The following ADARB1 variants were observed in gnomAD, a reference collection of about 807,000 sequenced individuals.
The protein encoded by ADARB1 is double-stranded RNA-specific editase 1.
ADARB1 carries 10 observed loss-of-function variants against 52.4 expected under a neutral mutation model. The ratio of observed to expected loss-of-function variants is 0.19; its 90% CI spans 0.12 to 0.32. The LOEUF (loss-of-function observed/expected upper bound fraction) is 0.32. Ranked by LOEUF, ADARB1 falls within the 10% of genes least tolerant of loss-of-function variation. ADARB1 has a pLI of 1.00. For synonymous variants in ADARB1, 349 were observed against 371.1 expected, an observed-to-expected ratio of 0.94 and a Z score of 0.68; for missense variants, 643 against 922.3, an observed-to-expected ratio of 0.70 and a Z score of 3.92.
In ADARB1 at chr21:45,148,480, T is replaced by C. The variant is rs191304912; in HGVS notation, c.-48+19907T>C. ...TAGCACCAGGGCCTGGGCTCCCCTT[T>C]GCTGTAATGTCGTAAAGTATGTCAG... On this transcript the variant is annotated intron_variant, in intron 2 of 10. Coordinates refer to ENST00000348831, the MANE Select transcript of ADARB1 (RefSeq NM_001112.4). Among the ~76,000 whole-genome samples the C allele has an allele frequency of 3.4e-3, 523 of 152,282 alleles. 2 individuals are homozygous for C. Among genetic ancestry groups the C allele is most frequent in the African/African-American group, 0.012 (489 of 41,554 alleles).
In ADARB1 at chr21:45,128,601, C is replaced by CA. The variant is rs2088737769; in HGVS notation, c.-48+31dup. ...GAGTAAAAACCTGTAAAGATCTGAT[C>CA]AAATCTGACTGGTAGAAATGCCTTT... is the stretch of plus-strand genomic sequence containing the variant. On this transcript the variant is annotated intron_variant, in intron 2 of 10. Transcript: ENST00000348831. This position sits in a 1 kb window ranked among gnomAD's most constrained non-coding sequence, Gnocchi z 4.6. 6.6e-6 allele frequency: 1 copy of CA among 152,248 alleles called. No individual in the cohort carries two copies. 9.4% of individuals were successfully genotyped at this position (152,248 alleles called of 1,614,324 possible). A position where few individuals can be genotyped will look rare whatever the true frequency, so the allele number is the denominator to read the frequency against.
chr21:45,214,685 A>G (rs1016832392), intron 9 of ADARB1, among the ~76,000 whole-genome samples: 13 of 152,210 alleles, frequency 8.5e-5, no homozygotes, highest in Admixed American at 7.9e-4. Context: ...ATCAGCTGGC[A>G]TGTATATATA....
rs1354616403 is a variant in ADARB1 at position 45,208,837 on chromosome 21, A to C, written c.1747+4101A>C. Among the ~76,000 whole-genome samples, 1 of 152,138 alleles carries C rather than the reference A, an allele frequency of 6.6e-6. No individual in the cohort carries two copies. The highest frequency in any genetic ancestry group is 2.4e-5 in the African/African-American group (1 of 41,422). ...CCTCCTTGCCCTGGTTTCTAGGAGG[A>C]GTGAACGTGCCATGAGTCATTGTAG... On this transcript the variant is annotated intron_variant, in intron 9 of 10. Transcript: ENST00000348831. This position sits in a 1 kb window ranked among gnomAD's most constrained non-coding sequence, Gnocchi z 5.6.
At position 45,200,417 on chromosome 21, in the gene ADARB1, C is replaced by T. The variant is rs2092526963; in HGVS notation, c.1566-4138C>T. ...GTGGGAAGGAACGAGAGTCTTGGTT[C>T]AGATGACCTCGGCCTGTGTCCTCAG... On this transcript the variant is annotated intron_variant, in intron 8 of 10. Transcript: ENST00000348831. This position sits in a 1 kb window ranked among gnomAD's most constrained non-coding sequence, Gnocchi z 5.0. Among the ~76,000 whole-genome samples, 1 of 152,172 alleles carries T rather than the reference C, an allele frequency of 6.6e-6. No individual in the cohort carries two copies. The highest frequency in any genetic ancestry group is 1.5e-5 in the Non-Finnish European group (1 of 68,030).
At chr21:45,127,860 A>G (rs2088688386) in intron 1 of ADARB1, among the ~76,000 whole-genome samples, 1 of 152,170 alleles carries the variant, frequency 6.6e-6, no homozygotes, top group African/African-American at 2.4e-5. Context: ...AGCATGTTGA[A>G]ACATTTTCTC....
chr21:45,200,558 C>T lies in ADARB1; in HGVS notation c.1566-3997C>T, dbSNP rs2092530976. On this transcript the variant is annotated intron_variant, in intron 8 of 10. Coordinates refer to ENST00000348831, the MANE Select transcript of ADARB1 (RefSeq NM_001112.4). This position sits in a 1 kb window ranked among gnomAD's most constrained non-coding sequence, Gnocchi z 5.0. ...ACTGTGTTGGGCAGACTCAAAGGCACGCACAGGAAGGGGGATGGCTTTATT... is the reference window on the plus strand; with the variant it reads ...ACTGTGTTGGGCAGACTCAAAGGCATGCACAGGAAGGGGGATGGCTTTATT... 6.6e-6 allele frequency among the ~76,000 whole-genome samples: 1 copy of T among 152,012 alleles called. No individual in the cohort carries two copies. The highest frequency in any genetic ancestry group is 1.5e-5 in the Non-Finnish European group (1 of 68,002).
At position 45,208,717 on chromosome 21, in the gene ADARB1, T is replaced by A. The variant is rs953245497; in HGVS notation, c.1747+3981T>A. On this transcript the variant is annotated intron_variant, in intron 9 of 10. Coordinates refer to ENST00000348831, the MANE Select transcript of ADARB1 (RefSeq NM_001112.4). The surrounding 1 kb of genome is among the most constrained non-coding windows in gnomAD (Gnocchi z 5.6). ...GTGTGTGTGCACGCTCACATGAGTG[T>A]ATGAGAGAGAGAGTGTGTGTGTGTG... is the stretch of plus-strand genomic sequence containing the variant. 6.6e-6 allele frequency among the ~76,000 whole-genome samples: 1 copy of A among 151,964 alleles called. No individual in the cohort carries two copies. Among genetic ancestry groups the A allele is most frequent in the South Asian group, 2.1e-4 (1 of 4,808 alleles).
chr21:45,123,042 GTCA>G (rs1325899350), intron 1 of ADARB1, among the ~76,000 whole-genome samples: 2 of 152,054 alleles, frequency 1.3e-5, no homozygotes, highest in East Asian at 3.9e-4. Flanking sequence ...AAAATCAGTT[GTCA>G]TTGCTGGCAT....
intron 1 of ADARB1, among the ~76,000 whole-genome samples, chr21:45,124,375 CTCTTTTCTTT>C (rs1233325428): frequency 6.6e-6 from 1 of 151,906 alleles, no homozygotes; most frequent in Admixed American, 6.6e-5. Flanking sequence ...CCCTTTTCTT[CTCTTTTCTTT>C]TTCTTGAGAC....
chr21:45,075,130 C>G (rs563704147), intron 1 of ADARB1, among the ~76,000 whole-genome samples: 23 of 148,686 alleles, frequency 1.5e-4, no homozygotes, highest in African/African-American at 5.2e-4. Flanking sequence ...CCCTGGGGAC[C>G]GAGACTGCGT....
rs539272632 is a variant in ADARB1 at position 45,224,996 on chromosome 21, C to T, written c.*2799C>T. 1 of 985,282 alleles carries T rather than the reference C, an allele frequency of 1.0e-6. No homozygotes were observed. The highest frequency in any genetic ancestry group is 1.2e-6 in the Non-Finnish European group (1 of 829,944). 61.0% of individuals were successfully genotyped at this position (985,282 alleles called of 1,614,324 possible). A position where few individuals can be genotyped will look rare whatever the true frequency, so the allele number is the denominator to read the frequency against. ...GACTTAGCAGAAAATTCGACACAAG[C>T]AGGAACTTGATTTTTTAAGAAAAAA... On this transcript the variant is annotated 3_prime_UTR_variant, in exon 11 of 11. Transcript: ENST00000348831.
chr21:45,121,097 A>T (rs1208769226), intron 1 of ADARB1: 1 of 152,114 alleles, frequency 6.6e-6, no homozygotes, highest in Non-Finnish European at 1.5e-5. Context: ...TTCTTGACAG[A>T]TTTTACTACC....
At chr21:45,095,569 G>T (rs2086724819) in intron 1 of ADARB1, among the ~76,000 whole-genome samples, 1 of 151,032 alleles carries the variant, frequency 6.6e-6, no homozygotes, top group Non-Finnish European at 1.5e-5. Context: ...GCTGTTTCAG[G>T]GTTCTGCATC....
chr21:45,224,344 G>T lies in ADARB1; in HGVS notation c.*2147G>T, dbSNP rs968044837. ...CCCAAATAAGTGAGTGCCTCACCTTGTGGGGCCTGAGCAGCTACCTTGAGA... is the reference window on the plus strand; with the variant it reads ...CCCAAATAAGTGAGTGCCTCACCTTTTGGGGCCTGAGCAGCTACCTTGAGA... On this transcript the variant is annotated 3_prime_UTR_variant, in exon 11 of 11. Coordinates refer to ENST00000348831, the MANE Select transcript of ADARB1 (RefSeq NM_001112.4). 4.6e-5 allele frequency: 45 copies of T among 985,384 alleles called. No homozygotes were observed. In the Middle Eastern group the frequency reaches 2.1e-3, roughly 45 times the overall value. 61.0% of individuals were successfully genotyped at this position (985,384 alleles called of 1,614,324 possible). A position where few individuals can be genotyped will look rare whatever the true frequency, so the allele number is the denominator to read the frequency against.
intron 1 of ADARB1, among the ~76,000 whole-genome samples, chr21:45,107,737 A>G (rs423892): frequency 0.96 from 145,497 of 152,314 alleles, 69,520 homozygotes; most frequent in East Asian, 0.98. Flanking sequence ...AACTGTTCCA[A>G]TGTTAGACAC....
intron 9 of ADARB1, among the ~76,000 whole-genome samples, chr21:45,211,376 C>CTG (rs1436333478): frequency 6.6e-6 from 1 of 152,194 alleles, no homozygotes; most frequent in Non-Finnish European, 1.5e-5. Flanking sequence ...TTTCCTTATA[C>CTG]TGTAACTTAT....
intron 2 of ADARB1, among the ~76,000 whole-genome samples, chr21:45,171,137 G>T (rs1206845437): frequency 6.6e-6 from 1 of 152,208 alleles, no homozygotes; most frequent in Admixed American, 6.5e-5. Context: ...TCTGAGGTCT[G>T]TCGCCATCTG....
At chr21:45,160,371 A>G (rs764383256) in intron 2 of ADARB1, among the ~76,000 whole-genome samples, 10 of 152,262 alleles carry the variant, frequency 6.6e-5, no homozygotes, top group Non-Finnish European at 1.2e-4. Flanking sequence ...TTTAACTCCC[A>G]TTAAAAGGAG....
intron 2 of ADARB1, among the ~76,000 whole-genome samples, chr21:45,169,381 T>C (rs2091390785): frequency 6.6e-6 from 1 of 152,228 alleles, no homozygotes. Context: ...CTTGCTGGGC[T>C]ACCTCTTTCC....
Sources: allele counts gnomAD v4.1 joint callset (sites outside exome capture counted in the v4.1 genomes callset), GRCh38; gene constraint gnomAD v4.1.1; non-coding constraint Gnocchi (gnomAD v3.1); transcripts MANE v1.5; gene names NCBI Gene and HGNC (gene_info 2026-07-23, HGNC 2026-07-21).